Variants in NMNAT2 observed in about 807,000 individuals in gnomAD.
NMNAT2 encodes the protein nicotinamide/nicotinic acid mononucleotide adenylyltransferase 2.
A neutral mutation model predicts 41.6 loss-of-function variants in NMNAT2; 11 were observed. The ratio of observed to expected loss-of-function variants is 0.26; its 90% CI spans 0.17 to 0.44. The LOEUF (loss-of-function observed/expected upper bound fraction) is 0.44. Among genes scored for constraint, NMNAT2 ranks in the 20% least tolerant of loss-of-function variants. The probability of loss-of-function intolerance (pLI) is 1.00; values close to 1 mark genes in which losing one functional copy is unlikely to be tolerated. For synonymous variants in NMNAT2, 148 were observed against 151.2 expected (o/e 0.98, Z 0.16); for missense variants, 288 against 407.7 (o/e 0.71, Z 2.53).
intron 1 of NMNAT2, among the ~76,000 whole-genome samples, chr1:183,370,134 A>G (rs1571623680): frequency 6.6e-6 from 1 of 151,846 alleles, no homozygotes; most frequent in African/African-American, 2.4e-5. Context: ...TCCTCTGTCC[A>G]GGACCCAAGG....
At chr1:183,378,391 TA>T (rs113433811) in intron 1 of NMNAT2, among the ~76,000 whole-genome samples, 4,002 of 135,508 alleles carry the variant, frequency 0.03, 129 homozygotes, top group African/African-American at 0.091. Context: ...GAGACTCCAT[TA>T]AAAAAAAAAA....
Position 183,297,144 on chromosome 1 carries a change from C to T in NMNAT2, c.86-3351G>A, listed in dbSNP as rs1661723842. On this transcript the variant is annotated intron_variant, in intron 1 of 10. Transcript: ENST00000287713. ...CTAGCATGCCTTCCCTGCCCAACAG[C>T]CTCCTGCTCTGGACTTATTTCCCGG... is the stretch of plus-strand genomic sequence containing the variant. 4.0e-5 allele frequency among the ~76,000 whole-genome samples: 6 copies of T among 150,824 alleles called. No individual in the cohort carries two copies. In the Admixed American group the frequency reaches 4.0e-4, roughly 10 times the overall value.
In NMNAT2 at chr1:183,252,503, C is replaced by A; in HGVS notation, c.*138G>T. The A allele has an allele frequency of 1.6e-6, 1 of 611,500 alleles. No homozygotes were observed. Among genetic ancestry groups the A allele is most frequent in the Non-Finnish European group, 3.1e-6 (1 of 323,432 alleles). 37.9% of individuals were successfully genotyped at this position (611,500 alleles called of 1,614,324 possible). On this transcript the variant is annotated 3_prime_UTR_variant, in exon 11 of 11. Transcript: ENST00000287713. The stretch of plus-strand genomic sequence containing the variant: ...GGGAATGCCATGGTTCTCTGCAGGT[C>A]CCCCACACTATGGGGGGTTAAGTCA...
intron 1 of NMNAT2, among the ~76,000 whole-genome samples, chr1:183,299,491 T>C (rs1412290324): frequency 6.6e-6 from 1 of 152,188 alleles, no homozygotes; most frequent in Non-Finnish European, 1.5e-5. Flanking sequence ...GTTTGCTTAT[T>C]GTATGATTTT....
chr1:183,339,150 T>G (rs377386636), intron 1 of NMNAT2, among the ~76,000 whole-genome samples: 1 of 152,050 alleles, frequency 6.6e-6, no homozygotes, highest in Non-Finnish European at 1.5e-5. Flanking sequence ...CAGGCTGGAG[T>G]GCAGTGGTAC....
chr1:183,354,102 G>A (rs1663126757), intron 1 of NMNAT2, among the ~76,000 whole-genome samples: 3 of 152,148 alleles, frequency 2.0e-5, no homozygotes, highest in Non-Finnish European at 4.4e-5. Context: ...TCCCCACCAT[G>A]TTTGTCACAT....
At chr1:183,311,560 C>T (rs971998226) in intron 1 of NMNAT2, among the ~76,000 whole-genome samples, 3 of 152,114 alleles carry the variant, frequency 2.0e-5, no homozygotes, top group African/African-American at 7.2e-5. Flanking sequence ...CTGACAGGAC[C>T]TGCCTACCAC....
chr1:183,324,111 TAGGAAGGGGA>T (rs1431873103), intron 1 of NMNAT2, among the ~76,000 whole-genome samples: 1 of 152,068 alleles, frequency 6.6e-6, no homozygotes, highest in Non-Finnish European at 1.5e-5. Context: ...AAGGCAGATA[TAGGAAGGGGA>T]GATTCCTCAG....
chr1:183,315,778 T>TA (rs11454305), intron 1 of NMNAT2, among the ~76,000 whole-genome samples: 79,405 of 125,708 alleles, frequency 0.63, 24,262 homozygotes, highest in East Asian at 0.88. Flanking sequence ...AGACTCCGTG[T>TA]AAAAAAAAAA....
intron 1 of NMNAT2, among the ~76,000 whole-genome samples, chr1:183,359,347 A>G (rs1663259672): frequency 6.6e-6 from 1 of 152,142 alleles, no homozygotes; most frequent in South Asian, 2.1e-4. Flanking sequence ...AACTCAGGAA[A>G]AGGAAATCCC....
chr1:183,274,766 TAAA>T (rs34658876), intron 8 of NMNAT2, among the ~76,000 whole-genome samples: 1 of 125,246 alleles, frequency 8.0e-6, no homozygotes, highest in African/African-American at 3.0e-5. Context: ...ACCTTGTCTC[TAAA>T]AAAAAAAAAA....
intron 1 of NMNAT2, among the ~76,000 whole-genome samples, chr1:183,410,186 G>C (rs1225128805): frequency 3.3e-5 from 5 of 150,916 alleles, no homozygotes; most frequent in Non-Finnish European, 7.4e-5. Flanking sequence ...AGCCGGGCAT[G>C]ATGGCGGGTG....
chr1:183,304,633 G>A (rs764219935), intron 1 of NMNAT2: 9 of 1,587,448 alleles, frequency 5.7e-6, no homozygotes, highest in Admixed American at 3.3e-5. Flanking sequence ...CAGCTGCCCC[G>A]CCCTCATGCC....
At chr1:183,270,591 C>A (rs1660961077) in intron 8 of NMNAT2, among the ~76,000 whole-genome samples, 1 of 152,080 alleles carries the variant, frequency 6.6e-6, no homozygotes, top group Admixed American at 6.5e-5. Flanking sequence ...AAATCATCCC[C>A]ACTCCCACTG....
intron 1 of NMNAT2, among the ~76,000 whole-genome samples, chr1:183,312,923 C>A (rs1448372600): frequency 6.6e-6 from 1 of 152,144 alleles, no homozygotes; most frequent in Non-Finnish European, 1.5e-5. Context: ...TTATTAGCTA[C>A]TATTATCTCC....
Position 183,248,294 on chromosome 1 carries a change from C to T in NMNAT2, c.*4347G>A, listed in dbSNP as rs920333237. ...TGAAACATTTTGCATAAAACTCTTG[C>T]CCATGACTATTCTAGCAACAAAATT... On this transcript the variant is annotated 3_prime_UTR_variant, in exon 11 of 11. Transcript: ENST00000287713. The T allele has an allele frequency of 2.2e-4, 34 of 152,602 alleles. No individual in the cohort carries two copies. The highest frequency in any genetic ancestry group is 7.2e-4 in the African/African-American group (30 of 41,430). 9.5% of individuals were successfully genotyped at this position (152,602 alleles called of 1,614,324 possible).
intron 1 of NMNAT2, among the ~76,000 whole-genome samples, chr1:183,397,741 G>T (rs541028226): frequency 9.7e-4 from 147 of 152,312 alleles, no homozygotes; most frequent in African/African-American, 3.4e-3. Context: ...CCAGAAGAGA[G>T]TGGGGGCCAA....
intron 1 of NMNAT2, among the ~76,000 whole-genome samples, chr1:183,378,164 T>A (rs575259926): frequency 3.3e-5 from 5 of 151,610 alleles, no homozygotes; most frequent in Admixed American, 6.6e-5. Context: ...GGCCAAGGTG[T>A]GCAGGTCACC....
intron 1 of NMNAT2, among the ~76,000 whole-genome samples, chr1:183,374,378 C>T (rs1291474613): frequency 1.3e-5 from 2 of 152,212 alleles, no homozygotes; most frequent in East Asian, 3.9e-4. Context: ...TCAGAGCCTT[C>T]TACCCCGTCA....
Sources: gnomAD v4.1 joint callset for allele counts (sites outside exome capture counted in the v4.1 genomes callset) on GRCh38, gnomAD v4.1.1 for gene constraint, MANE v1.5 for transcripts, NCBI Gene and HGNC (gene_info 2026-07-23, HGNC 2026-07-21) for gene names.